SAXO1: variants seen among roughly 807,000 people sequenced by gnomAD.
The protein encoded by SAXO1 is 4930500O09Rik.
A neutral mutation model predicts 17.5 loss-of-function variants in SAXO1; 21 were observed. That is an observed-to-expected ratio of 1.20 (90% CI 0.85 to 1.72). SAXO1 has a LOEUF of 1.72. Ranked by LOEUF, SAXO1 falls within the 40% of genes most tolerant of loss-of-function variation. The pLI, the probability that SAXO1 is intolerant of heterozygous loss-of-function variation, is 0.00. For synonymous variants in SAXO1, 274 were observed against 216.5 expected (o/e 1.27, Z -2.33); for missense variants, 843 against 596.0 (o/e 1.41, Z -4.32).
chr9:18,950,479 C>A (rs1452959836), intron 2 of SAXO1, among the ~76,000 whole-genome samples: 1 of 152,150 alleles, frequency 6.6e-6, no homozygotes, highest in Non-Finnish European at 1.5e-5. Flanking sequence ...TCTTAACCTC[C>A]AATCCTATAT....
At chr9:19,010,469 T>C (rs1834681438) in intron 1 of SAXO1, among the ~76,000 whole-genome samples, 1 of 150,432 alleles carries the variant, frequency 6.6e-6, no homozygotes, top group Non-Finnish European at 1.5e-5. Context: ...CCAGGTTCCA[T>C]ATTTCTAGGA....
In SAXO1 at chr9:18,928,304, AG is replaced by A; in HGVS notation, c.1172del (p.Pro391LeufsTer31). ...CATTTCCTCGAGGGCCAGACCAATG[AG>A]GCTTACAGCTTTTGGTATTGATAGG... is the stretch of plus-strand genomic sequence containing the variant. ...HLPINTKSCK[P>X]HWSGPRGNVP... On this transcript the variant is annotated frameshift_variant, in exon 4 of 4. Transcript: ENST00000380534. LOFTEE classifies it high-confidence loss of function. 6.2e-7 allele frequency: 1 copy of A among 1,612,974 alleles called. No individual in the cohort carries two copies. The highest frequency in any genetic ancestry group is 8.5e-7 in the Non-Finnish European group (1 of 1,179,278).
intron 1 of SAXO1, among the ~76,000 whole-genome samples, chr9:19,005,454 G>C (rs185639379): frequency 4.6e-5 from 7 of 152,262 alleles, no homozygotes; most frequent in East Asian, 1.9e-4. Context: ...GTATAGAATA[G>C]AGCCCAGAAA....
chr9:19,013,104 C>G (rs1042002595), intron 1 of SAXO1, among the ~76,000 whole-genome samples: 6 of 152,056 alleles, frequency 3.9e-5, no homozygotes, highest in Middle Eastern at 3.2e-3. Flanking sequence ...AACTGGCCTT[C>G]CAGATAGATC....
intron 2 of SAXO1, among the ~76,000 whole-genome samples, chr9:18,945,918 G>T (rs912547148): frequency 6.6e-6 from 1 of 152,182 alleles, no homozygotes; most frequent in African/African-American, 2.4e-5. Flanking sequence ...GTCAGCTCCA[G>T]TCTGTGCAAG....
chr9:19,023,161 C>T (rs1835319839), intron 1 of SAXO1, among the ~76,000 whole-genome samples: 1 of 138,500 alleles, frequency 7.2e-6, no homozygotes, highest in African/African-American at 2.6e-5. Flanking sequence ...CCCCCCGCCC[C>T]ACCGGAGTTA....
At chr9:18,967,810 C>A (rs1009570948) in intron 1 of SAXO1, among the ~76,000 whole-genome samples, 1 of 151,912 alleles carries the variant, frequency 6.6e-6, no homozygotes, top group African/African-American at 2.4e-5. Flanking sequence ...AAAACTCCTG[C>A]AGCTAGCTCG....
intron 1 of SAXO1, among the ~76,000 whole-genome samples, chr9:19,045,739 A>G (rs1240573800): frequency 1.3e-5 from 2 of 152,240 alleles, no homozygotes; most frequent in Non-Finnish European, 2.9e-5. Context: ...ATAGTCTTCA[A>G]TGCTACCCAC....
intron 2 of SAXO1, among the ~76,000 whole-genome samples, chr9:18,947,147 T>G (rs1037410417): frequency 2.0e-5 from 3 of 152,252 alleles, no homozygotes; most frequent in Non-Finnish European, 4.4e-5. Flanking sequence ...TTCACACTAA[T>G]TCTCAGGCCC....
At chr9:19,028,245 G>A (rs565715081) in intron 1 of SAXO1, 35 of 765,828 alleles carry the variant, frequency 4.6e-5, no homozygotes, top group South Asian at 3.9e-4. Flanking sequence ...CCGTAGTGGC[G>A]GGCGCCTGTA....
intron 1 of SAXO1, among the ~76,000 whole-genome samples, chr9:18,981,789 A>C (rs901973188): frequency 1.3e-5 from 2 of 152,174 alleles, no homozygotes; most frequent in Admixed American, 1.3e-4. Flanking sequence ...AAAACAAAAG[A>C]AAAACTAAAC....
intron 1 of SAXO1, among the ~76,000 whole-genome samples, chr9:19,001,661 G>A (rs915747255): frequency 4.9e-5 from 5 of 101,070 alleles, no homozygotes; most frequent in Non-Finnish European, 1.2e-4. Flanking sequence ...GCAAGACTCC[G>A]TCAAAAAAAA....
At chr9:19,016,153 C>T (rs540951849) in intron 1 of SAXO1, among the ~76,000 whole-genome samples, 7 of 152,176 alleles carry the variant, frequency 4.6e-5, no homozygotes, top group South Asian at 4.1e-4. Flanking sequence ...AAGCATAACC[C>T]GGCCAGGCAT....
At chr9:19,031,544 G>C (rs552033517) in intron 1 of SAXO1, among the ~76,000 whole-genome samples, 1 of 152,358 alleles carries the variant, frequency 6.6e-6, no homozygotes, top group East Asian at 1.9e-4. Flanking sequence ...CTGCGCAACA[G>C]AGCAAGACAC....
At chr9:18,975,821 A>T (rs1279887914) in intron 1 of SAXO1, among the ~76,000 whole-genome samples, 4 of 152,216 alleles carry the variant, frequency 2.6e-5, no homozygotes, top group African/African-American at 9.6e-5. Flanking sequence ...GCCCAGCAGA[A>T]GCTGAAAGTT....
At chr9:19,042,705 A>G (rs1836105548) in intron 1 of SAXO1, among the ~76,000 whole-genome samples, 1 of 152,166 alleles carries the variant, frequency 6.6e-6, no homozygotes, top group Non-Finnish European at 1.5e-5. Flanking sequence ...CCTACTAAGA[A>G]TACAAAATTA....
At chr9:18,994,613 C>G (rs1355593603) in intron 1 of SAXO1, among the ~76,000 whole-genome samples, 1 of 152,146 alleles carries the variant, frequency 6.6e-6, no homozygotes, top group Non-Finnish European at 1.5e-5. Flanking sequence ...GTGCTGCAAT[C>G]CTAACAGAGA....
Position 18,928,032 on chromosome 9 carries a change from TA to T in SAXO1, c.*19del, listed in dbSNP as rs1830837387. 6.5e-7 allele frequency: 1 copy of T among 1,539,612 alleles called. No homozygotes were observed. The highest frequency in any genetic ancestry group is 8.8e-7 in the Non-Finnish European group (1 of 1,140,390). On this transcript the variant is annotated 3_prime_UTR_variant, in exon 4 of 4. Transcript: ENST00000380534. Reference sequence around the variant, plus strand: ...GCTTTTAAAAGTACTGTGTAATTTCTAAATTACTATTTTTCAAAATCAGGCT... The same window carrying T: ...GCTTTTAAAAGTACTGTGTAATTTCTAATTACTATTTTTCAAAATCAGGCT...
intron 1 of SAXO1, among the ~76,000 whole-genome samples, chr9:18,998,525 A>G (rs1433765882): frequency 1.3e-5 from 2 of 152,214 alleles, no homozygotes; most frequent in South Asian, 4.1e-4. Flanking sequence ...AATGGAACCA[A>G]GTTAGAAAAC....
Sources: gnomAD v4.1 joint callset for allele counts (sites outside exome capture counted in the v4.1 genomes callset) on GRCh38, gnomAD v4.1.1 for gene constraint, MANE v1.5 for transcripts, NCBI Gene and HGNC (gene_info 2026-07-23, HGNC 2026-07-21) for gene names.